UNC5D: variants seen among roughly 807,000 people sequenced by gnomAD.
UNC5D encodes the protein netrin receptor UNC5D.
A neutral mutation model predicts 105.4 loss-of-function variants in UNC5D; 39 were observed. The observed-to-expected ratio is 0.37, with a 90% confidence interval of 0.29 to 0.48. The LOEUF (loss-of-function observed/expected upper bound fraction) is 0.48, where lower values mean the gene tolerates loss of function less well. Ranked by LOEUF, UNC5D falls within the 20% of genes least tolerant of loss-of-function variation. The pLI, the probability that UNC5D is intolerant of heterozygous loss-of-function variation, is 0.98. For synonymous variants in UNC5D, 452 were observed against 450.4 expected (o/e 1.00, Z -0.04); for missense variants, 991 against 1,202.4 (o/e 0.82, Z 2.60).
intron 4 of UNC5D, among the ~76,000 whole-genome samples, chr8:35,605,981 T>A (rs545696735): frequency 4.3e-4 from 65 of 152,036 alleles, no homozygotes; most frequent in African/African-American, 1.4e-3. Flanking sequence ...TTCCTTTTTT[T>A]TTATTTATTT....
intron 10 of UNC5D, 110 bp downstream of exon 10, chr8:35,726,639 C>T: frequency 1.3e-6 from 2 of 1,488,338 alleles, no homozygotes; most frequent in Non-Finnish European, 9.0e-7. Flanking sequence ...CCTCATCAGA[C>T]CTGCAAACAC....
intron 11 of UNC5D, among the ~76,000 whole-genome samples, chr8:35,733,606 G>C (rs561429824): frequency 7.9e-5 from 12 of 152,270 alleles, no homozygotes; most frequent in East Asian, 1.9e-4. Flanking sequence ...CACACACACA[G>C]AGCACAGTAG....
At chr8:35,404,591 ATTT>A (rs113907449) in intron 1 of UNC5D, among the ~76,000 whole-genome samples, 2 of 148,340 alleles carry the variant, frequency 1.3e-5, no homozygotes, top group Admixed American at 1.3e-4. Context: ...TTCCCATGTG[ATTT>A]TTTTTTTTCT....
chr8:35,729,140 T>C (rs1286908793), intron 10 of UNC5D, among the ~76,000 whole-genome samples: 2 of 152,214 alleles, frequency 1.3e-5, no homozygotes, highest in Non-Finnish European at 2.9e-5. Flanking sequence ...TAGATTCAGG[T>C]TGAATTCAGG....
At chr8:35,620,724 C>T (rs1443560978) in intron 4 of UNC5D, among the ~76,000 whole-genome samples, 2 of 152,138 alleles carry the variant, frequency 1.3e-5, no homozygotes, top group African/African-American at 2.4e-5. Flanking sequence ...TACTTATGTT[C>T]TTAGGCCTAA....
At chr8:35,347,230 G>A (rs1262762680) in intron 1 of UNC5D, among the ~76,000 whole-genome samples, 1 of 152,022 alleles carries the variant, frequency 6.6e-6, no homozygotes, top group East Asian at 1.9e-4. Context: ...GCAGTGTGCT[G>A]GAACAGACTC....
chr8:35,788,778 A>G (rs1355626624), intron 16 of UNC5D, among the ~76,000 whole-genome samples: 2 of 151,990 alleles, frequency 1.3e-5, no homozygotes, highest in Admixed American at 1.3e-4. Context: ...AAAAGAGTTC[A>G]GAGAAGACAT....
intron 1 of UNC5D, among the ~76,000 whole-genome samples, chr8:35,330,413 A>G (rs995268121): frequency 3.3e-5 from 5 of 152,184 alleles, no homozygotes; most frequent in Non-Finnish European, 7.4e-5. Flanking sequence ...AAAGGGTTCA[A>G]TGAAGTCTAA....
At chr8:35,315,559 A>G (rs1809235365) in intron 1 of UNC5D, among the ~76,000 whole-genome samples, 1 of 152,180 alleles carries the variant, frequency 6.6e-6, no homozygotes, top group African/African-American at 2.4e-5. Context: ...TCTCAATCAC[A>G]TTCCAAGTCT....
intron 4 of UNC5D, among the ~76,000 whole-genome samples, chr8:35,672,142 G>A (rs1824852805): frequency 6.6e-6 from 1 of 151,998 alleles, no homozygotes; most frequent in Non-Finnish European, 1.5e-5. Flanking sequence ...ATGTAACTCA[G>A]GCATCCGCTT....
At chr8:35,518,891 G>A (rs563090613) in intron 1 of UNC5D, among the ~76,000 whole-genome samples, 74 of 152,196 alleles carry the variant, frequency 4.9e-4, no homozygotes, top group East Asian at 9.7e-4. Context: ...TACTAGAGTA[G>A]GAGTCCACAG....
chr8:35,257,122 C>T (rs1804137361), intron 1 of UNC5D, among the ~76,000 whole-genome samples: 1 of 151,972 alleles, frequency 6.6e-6, no homozygotes, highest in African/African-American at 2.4e-5. Context: ...CAGGCACGCA[C>T]CACCACGCCC....
intron 4 of UNC5D, among the ~76,000 whole-genome samples, chr8:35,643,227 C>G (rs1187614194): frequency 6.6e-6 from 1 of 152,132 alleles, no homozygotes; most frequent in Non-Finnish European, 1.5e-5. Flanking sequence ...ATTGTGACAG[C>G]CAAATATGTC....
chr8:35,571,515 T>C (rs1366036825), intron 3 of UNC5D, among the ~76,000 whole-genome samples: 7 of 152,150 alleles, frequency 4.6e-5, no homozygotes, highest in Non-Finnish European at 1.5e-5. Context: ...AATTGAAATT[T>C]AACTAGTGTA....
intron 13 of UNC5D, among the ~76,000 whole-genome samples, chr8:35,753,715 T>C (rs1586590227): frequency 6.6e-6 from 1 of 152,354 alleles, no homozygotes; most frequent in East Asian, 1.9e-4. Flanking sequence ...TACTTGTTAT[T>C]GACAGGATGT....
intron 7 of UNC5D, among the ~76,000 whole-genome samples, chr8:35,700,796 A>G (rs1361409289): frequency 1.3e-5 from 2 of 152,210 alleles, no homozygotes. Flanking sequence ...AGGTAGGCAG[A>G]GCAGTTGACC....
Position 35,721,373 on chromosome 8 carries a change from C to G in UNC5D, c.1118-837C>G. On this transcript the variant is annotated intron_variant, in intron 8 of 16. Transcript: ENST00000404895. ...AAAAAAGGGTGAAAAGCAGCTATAG[C>G]ACATCTTGCGGGGTGGGGAGGCACC... 1.3e-5 allele frequency: 9 copies of G among 701,908 alleles called. No homozygotes were observed. In the South Asian group the frequency reaches 1.3e-4, roughly 10 times the overall value. 43.5% of individuals were successfully genotyped at this position (701,908 alleles called of 1,614,324 possible).
At position 35,383,348 on chromosome 8, in the gene UNC5D, C is replaced by T. The variant is rs1049145218; in HGVS notation, c.103+147461C>T. On this transcript the variant is annotated intron_variant, in intron 1 of 16. Transcript: ENST00000404895. ...TCCTCATCAAGAGGAAATCTCTATA[C>T]GTAATATAGTAATTAGATCATGCCC... Among the ~76,000 whole-genome samples, 9 of 152,198 alleles carry T rather than the reference C, an allele frequency of 5.9e-5. No individual in the cohort carries two copies. The East Asian group carries it at 1.5e-3, about 26-fold the overall frequency.
chr8:35,595,751 G>A, intron 4 of UNC5D, 94 bp downstream of exon 4: 2 of 1,095,266 alleles, frequency 1.8e-6, no homozygotes, highest in Non-Finnish European at 2.7e-6. Context: ...GGAAGTAAAG[G>A]AGCCCATGTC....
Sources: gnomAD v4.1 joint callset for allele counts (sites outside exome capture counted in the v4.1 genomes callset) on GRCh38, gnomAD v4.1.1 for gene constraint, MANE v1.5 for transcripts, NCBI Gene and HGNC (gene_info 2026-07-23, HGNC 2026-07-21) for gene names.